Variants in SAP130 observed in about 807,000 individuals in gnomAD.
The protein encoded by SAP130 is Sin3A associated protein 130, also known as histone deacetylase complex subunit SAP130.
A neutral mutation model predicts 103.2 loss-of-function variants in SAP130; 16 were observed. That is an observed-to-expected ratio of 0.16 (90% CI 0.10 to 0.24). The LOEUF is 0.24. Among genes scored for constraint, SAP130 ranks in the 10% least tolerant of loss-of-function variants. The pLI, the probability that SAP130 is intolerant of heterozygous loss-of-function variation, is 1.00. For synonymous variants in SAP130, 477 were observed against 497.0 expected, an observed-to-expected ratio of 0.96 and a Z score of 0.53; for missense variants, 990 against 1,359.7, an observed-to-expected ratio of 0.73 and a Z score of 4.28.
Position 127,986,655 on chromosome 2 carries a change from G to T in SAP130, c.1958+130C>A. The T allele has an allele frequency of 1.0e-6, 1 of 1,000,134 alleles. No individual in the cohort carries two copies. The highest frequency in any genetic ancestry group is 1.5e-6 in the Non-Finnish European group (1 of 669,064). 62.0% of individuals were successfully genotyped at this position (1,000,134 alleles called of 1,614,324 possible). A position where few individuals can be genotyped will look rare whatever the true frequency, so the allele number is the denominator to read the frequency against. On this transcript the variant is annotated intron_variant, in intron 14 of 20. Coordinates refer to ENST00000643581, the MANE Select transcript of SAP130 (RefSeq NM_001330301.2). The surrounding 1 kb of genome is among the most constrained non-coding windows in gnomAD (Gnocchi z 4.7). ...AATAATCCTGTGGTCAAGTTGTTTTGGAGGAAATTTTAACACACCACAGAA... is the reference window on the plus strand; with the variant it reads ...AATAATCCTGTGGTCAAGTTGTTTTTGAGGAAATTTTAACACACCACAGAA...
At chr2:127,998,720 A>G (rs972943400) in intron 10 of SAP130, among the ~76,000 whole-genome samples, 4 of 152,260 alleles carry the variant, frequency 2.6e-5, no homozygotes, top group African/African-American at 2.4e-5. Context: ...GGACATTCAC[A>G]AGAACCAATC....
chr2:127,959,898 A>G (rs1016023863), intron 15 of SAP130, among the ~76,000 whole-genome samples: 1 of 152,218 alleles, frequency 6.6e-6, no homozygotes, highest in Non-Finnish European at 1.5e-5. Context: ...AATAACTGAA[A>G]TAAGACGGTC....
intron 14 of SAP130, among the ~76,000 whole-genome samples, chr2:127,984,810 A>G (rs1682254856): frequency 6.6e-6 from 1 of 152,144 alleles, no homozygotes; most frequent in African/African-American, 2.4e-5. Flanking sequence ...GCAGAGTTTG[A>G]ACTTTCAGGC....
Position 128,013,020 on chromosome 2 carries a change from T to A in SAP130, c.744+10A>T. 1 of 1,603,174 alleles carries A rather than the reference T, an allele frequency of 6.2e-7. No individual in the cohort carries two copies. Among genetic ancestry groups the A allele is most frequent in the Non-Finnish European group, 8.5e-7 (1 of 1,174,664 alleles). On this transcript the variant is annotated intron_variant, in intron 6 of 20. Transcript: ENST00000643581. ...ATGAGGCCCTTAATGCACCCCAGGC[T>A]CCGACGTGCCTGGATTGGTTGGTGA...
intron 7 of SAP130, among the ~76,000 whole-genome samples, chr2:128,007,802 AC>A (rs1229607466): frequency 6.6e-6 from 1 of 152,140 alleles, no homozygotes; most frequent in East Asian, 1.9e-4. Context: ...ACTCTCTAGT[AC>A]CCCTGGATAG....
At chr2:127,947,764 C>CTGTGTGTGTGTGTGTGTGTGTGTGTG (rs1553500423) in intron 18 of SAP130, among the ~76,000 whole-genome samples, 1 of 143,312 alleles carries the variant, frequency 7.0e-6, no homozygotes, top group South Asian at 2.2e-4. Context: ...TTGTGTGTGT[C>CTGTGTGTGTGTGTGTGTGTGTGTGTG]TGTGTGTGTG....
chr2:128,008,515 C>A (rs1684137034), intron 7 of SAP130, among the ~76,000 whole-genome samples: 1 of 150,458 alleles, frequency 6.6e-6, no homozygotes, highest in Non-Finnish European at 1.5e-5. Flanking sequence ...TAGGTACATG[C>A]CACCACGCTT....
intron 6 of SAP130, among the ~76,000 whole-genome samples, chr2:128,012,133 G>A (rs1019429055): frequency 2.6e-5 from 4 of 152,146 alleles, no homozygotes; most frequent in Admixed American, 1.3e-4. Context: ...TCTTTCAACA[G>A]TATTACTTTA....
At position 127,953,534 on chromosome 2, in the gene SAP130, T is replaced by C. The variant is rs1679629169; in HGVS notation, c.2422+1452A>G. On this transcript the variant is annotated intron_variant, in intron 16 of 20. Coordinates refer to ENST00000643581, the MANE Select transcript of SAP130 (RefSeq NM_001330301.2). This position sits in a 1 kb window ranked among gnomAD's most constrained non-coding sequence, Gnocchi z 4.0. The stretch of plus-strand genomic sequence containing the variant: ...GCCAACCCCAGCAAAGCCAAAACCT[T>C]TACAACAGCCTGTGGGCCCTGTTCT... Among the ~76,000 whole-genome samples, 2 of 152,110 alleles carry C rather than the reference T, an allele frequency of 1.3e-5. No individual in the cohort carries two copies. The highest frequency in any genetic ancestry group is 2.1e-4 in the South Asian group (1 of 4,830).
chr2:127,986,968 G>A lies in SAP130; in HGVS notation c.1781-6C>T. On this transcript the variant is annotated splice_region_variant and splice_polypyrimidine_tract_variant and intron_variant, in intron 13 of 20. Transcript: ENST00000643581. This position sits in a 1 kb window ranked among gnomAD's most constrained non-coding sequence, Gnocchi z 4.7. ...TCCATCTGCCAACACCACTGCTACA[G>A]GAGAGAGGCAACAGGAAAGAACATT... The A allele has an allele frequency of 6.2e-7, 1 of 1,605,274 alleles. No individual in the cohort carries two copies. The highest frequency in any genetic ancestry group is 8.5e-7 in the Non-Finnish European group (1 of 1,172,866).
intron 1 of SAP130, among the ~76,000 whole-genome samples, 196 bp from the exon 2 acceptor site, chr2:128,026,494 T>C (rs967986712): frequency 3.3e-5 from 5 of 152,224 alleles, no homozygotes; most frequent in Admixed American, 3.3e-4. Flanking sequence ...ACAAATATTG[T>C]TTATACGGAG....
Position 128,027,920 on chromosome 2 carries a change from G to T in SAP130, c.-7+20C>A, listed in dbSNP as rs1685638479. 1.0e-6 allele frequency: 1 copy of T among 985,198 alleles called. No homozygotes were observed. The highest frequency in any genetic ancestry group is 4.7e-5 in the South Asian group (1 of 21,304). 61.0% of individuals were successfully genotyped at this position (985,198 alleles called of 1,614,324 possible). A position where few individuals can be genotyped will look rare whatever the true frequency, so the allele number is the denominator to read the frequency against. On this transcript the variant is annotated intron_variant, in intron 1 of 20. Coordinates refer to ENST00000643581, the MANE Select transcript of SAP130 (RefSeq NM_001330301.2). ...CCTCGTCTCCTCCCCTTCCCTCCCG[G>T]GCGCCCGTCCCGCCATTACCTGGGT...
rs1022663395 is a variant in SAP130 at position 127,973,389 on chromosome 2, C to T, written c.2063+4596G>A. ...CTGGGATTACAGGCATGCGCCACCA[C>T]GCTCGGCTAATTTTGTATTTTTAGT... On this transcript the variant is annotated intron_variant, in intron 15 of 20. Transcript: ENST00000643581. 3.3e-5 allele frequency among the ~76,000 whole-genome samples: 5 copies of T among 152,166 alleles called. No homozygotes were observed. In the East Asian group the frequency reaches 5.8e-4, roughly 18 times the overall value.
Position 128,027,017 on chromosome 2 carries a change from C to A in SAP130, c.-6-719G>T, listed in dbSNP as rs551699111. Reference sequence around the variant, plus strand: ...TTTCCAGACACCTCGGAGTGTGAGACCCCCGTCTCCGGGGTGGGGGTGCGG... The same window carrying A: ...TTTCCAGACACCTCGGAGTGTGAGAACCCCGTCTCCGGGGTGGGGGTGCGG... On this transcript the variant is annotated intron_variant, in intron 1 of 20. Coordinates refer to ENST00000643581, the MANE Select transcript of SAP130 (RefSeq NM_001330301.2). The A allele has an allele frequency of 8.9e-4, 1,137 of 1,284,178 alleles. 9 individuals are homozygous for A. The African/African-American group carries it at 0.015, about 17-fold the overall frequency. 79.5% of individuals were successfully genotyped at this position (1,284,178 alleles called of 1,614,324 possible).
chr2:128,027,500 C>G (rs987520442), intron 1 of SAP130, among the ~76,000 whole-genome samples: 1 of 152,042 alleles, frequency 6.6e-6, no homozygotes, highest in African/African-American at 2.4e-5. Flanking sequence ...GACAGGCGCC[C>G]CCGGCGAAGG....
At chr2:127,982,438 G>GT (rs1362539172) in intron 14 of SAP130, among the ~76,000 whole-genome samples, 1 of 152,174 alleles carries the variant, frequency 6.6e-6, no homozygotes, top group Admixed American at 6.5e-5. Flanking sequence ...TACTGCCACC[G>GT]TAAGTATTAT....
intron 15 of SAP130, among the ~76,000 whole-genome samples, chr2:127,964,387 G>A (rs1452789536): frequency 2.0e-5 from 3 of 150,466 alleles, no homozygotes; most frequent in East Asian, 4.0e-4. Flanking sequence ...CCAGCTACTC[G>A]GGAGGCTGAG....
At chr2:128,011,546 A>T (rs1684397134) in intron 6 of SAP130, among the ~76,000 whole-genome samples, 1 of 151,602 alleles carries the variant, frequency 6.6e-6, no homozygotes, top group Non-Finnish European at 1.5e-5. Flanking sequence ...CAGCTTCCTC[A>T]CTCGGGAGCT....
intron 15 of SAP130, among the ~76,000 whole-genome samples, chr2:127,968,356 C>T (rs1413340763): frequency 6.6e-6 from 1 of 151,392 alleles, no homozygotes; most frequent in Non-Finnish European, 1.5e-5. Flanking sequence ...GGTGATCTGT[C>T]CGCATCGGCC....
Sources: allele counts gnomAD v4.1 joint callset (sites outside exome capture counted in the v4.1 genomes callset), GRCh38; gene constraint gnomAD v4.1.1; non-coding constraint Gnocchi (gnomAD v3.1); transcripts MANE v1.5; gene names NCBI Gene and HGNC (gene_info 2026-07-23, HGNC 2026-07-21).